The following HOOK3 variants were observed in gnomAD, a reference collection of about 807,000 sequenced individuals.
HOOK3 encodes protein Hook homolog 3.
HOOK3 carries 24 observed loss-of-function variants against 116.3 expected under a neutral mutation model. The ratio of observed to expected loss-of-function variants is 0.21; its 90% CI spans 0.15 to 0.29. HOOK3 has a LOEUF of 0.29. Ranked by LOEUF, HOOK3 falls within the 10% of genes least tolerant of loss-of-function variation. The probability of loss-of-function intolerance (pLI) is 1.00; values close to 1 mark genes in which losing one functional copy is unlikely to be tolerated. For missense variants in HOOK3, 632 were observed against 830.2 expected, an observed-to-expected ratio of 0.76 and a Z score of 2.93; for synonymous variants, 275 against 283.0, an observed-to-expected ratio of 0.97 and a Z score of 0.28.
At chr8:42,982,244 G>C (rs186071845) in intron 13 of HOOK3, among the ~76,000 whole-genome samples, 256 of 132,164 alleles carry the variant, frequency 1.9e-3, no homozygotes, top group African/African-American at 6.8e-3. Flanking sequence ...AACAGAGTGA[G>C]ACTCTGTCTT....
At chr8:42,905,546 C>G (rs898479568) in intron 1 of HOOK3, among the ~76,000 whole-genome samples, 4 of 151,896 alleles carry the variant, frequency 2.6e-5, no homozygotes, top group Admixed American at 6.6e-5. Context: ...CCCTGTGTGT[C>G]CCTGAGTCAG....
At chr8:42,986,845 C>G in intron 15 of HOOK3, 50 bp downstream of exon 15, 3 of 1,581,082 alleles carry the variant, frequency 1.9e-6, no homozygotes, top group Non-Finnish European at 2.6e-6. Context: ...CCCTATTTGC[C>G]TTGATTCTGA....
In HOOK3 at chr8:42,944,714, G is replaced by A. The variant is rs1006735993; in HGVS notation, c.400+1269G>A. Among the ~76,000 whole-genome samples, 16 of 152,000 alleles carry A rather than the reference G, an allele frequency of 1.1e-4. No homozygotes were observed. The East Asian group carries it at 1.9e-3, about 18-fold the overall frequency. On this transcript the variant is annotated intron_variant, in intron 5 of 21. Coordinates refer to ENST00000307602, the MANE Select transcript of HOOK3 (RefSeq NM_032410.4). Reference sequence around the variant, plus strand: ...GGCGCCTGTAATCCCAGCTGCTTGCGAGGCTGAGGCAGGAGAATCACTTGA... The same window carrying A: ...GGCGCCTGTAATCCCAGCTGCTTGCAAGGCTGAGGCAGGAGAATCACTTGA...
In HOOK3 at chr8:43,025,302, T is replaced by A. The variant is rs1809913673; in HGVS notation, c.*6804T>A. On this transcript the variant is annotated 3_prime_UTR_variant, in exon 22 of 22. Coordinates refer to ENST00000307602, the MANE Select transcript of HOOK3 (RefSeq NM_032410.4). Reference sequence around the variant, plus strand: ...AGACTCGGTTTGCATGCTGTGTGTGTTTGCATGAGTATAGAAACCTAAGAA... The same window carrying A: ...AGACTCGGTTTGCATGCTGTGTGTGATTGCATGAGTATAGAAACCTAAGAA... The A allele has an allele frequency of 4.8e-6, 1 of 210,348 alleles. No homozygotes were observed. The highest frequency in any genetic ancestry group is 9.7e-6 in the Non-Finnish European group (1 of 103,612). The allele number at this position is 210,348 out of a possible 1,614,324, so 13.0% of individuals were successfully genotyped here.
Position 43,025,731 on chromosome 8 carries a change from G to A in HOOK3, c.*7233G>A, listed in dbSNP as rs1285107110. The A allele has an allele frequency of 9.3e-6, 2 of 215,810 alleles. No individual in the cohort carries two copies. The highest frequency in any genetic ancestry group is 4.5e-5 in the African/African-American group (2 of 44,298). The allele number at this position is 215,810 out of a possible 1,614,324, so 13.4% of individuals were successfully genotyped here. The stretch of plus-strand genomic sequence containing the variant: ...GATGAGATGAGAAGAAATCTGCGGT[G>A]GCTGAAAATCGTGACCAACTTGGTG... On this transcript the variant is annotated 3_prime_UTR_variant, in exon 22 of 22. Coordinates refer to ENST00000307602, the MANE Select transcript of HOOK3 (RefSeq NM_032410.4).
intron 5 of HOOK3, among the ~76,000 whole-genome samples, chr8:42,948,532 C>G (rs1325662220): frequency 6.6e-6 from 1 of 152,304 alleles, no homozygotes; most frequent in Admixed American, 6.5e-5. Flanking sequence ...TAACCCCTCA[C>G]CCCTCGAGTC....
At chr8:42,948,566 A>G (rs774901836) in intron 5 of HOOK3, among the ~76,000 whole-genome samples, 1 of 152,112 alleles carries the variant, frequency 6.6e-6, no homozygotes, top group Non-Finnish European at 1.5e-5. Context: ...TTCACTTTCA[A>G]TAGGCTGTCA....
intron 2 of HOOK3, among the ~76,000 whole-genome samples, chr8:42,917,953 A>C (rs1807564214): frequency 6.6e-6 from 1 of 152,240 alleles, no homozygotes; most frequent in Non-Finnish European, 1.5e-5. Flanking sequence ...TCATTAAATG[A>C]TTATTAGGAA....
At chr8:42,918,265 G>GA (rs1181588805) in intron 2 of HOOK3, among the ~76,000 whole-genome samples, 1 of 152,100 alleles carries the variant, frequency 6.6e-6, no homozygotes, top group Non-Finnish European at 1.5e-5. Context: ...TTGAACCCAG[G>GA]AGGCGGAGGT....
At chr8:42,939,174 C>T (rs965247954) in intron 4 of HOOK3, among the ~76,000 whole-genome samples, 15 of 152,236 alleles carry the variant, frequency 9.9e-5, no homozygotes, top group African/African-American at 2.9e-4. Flanking sequence ...ACCTTTCCCC[C>T]CTTTCTATTC....
intron 16 of HOOK3, 22 bp downstream of exon 16, chr8:42,997,659 C>T (rs372564218): frequency 5.7e-6 from 7 of 1,231,046 alleles, no homozygotes; most frequent in South Asian, 3.6e-5. Context: ...TATGTACCAA[C>T]GATGGTCCAT....
At chr8:43,007,204 G>A (rs1184161336) in intron 17 of HOOK3, among the ~76,000 whole-genome samples, 1 of 151,992 alleles carries the variant, frequency 6.6e-6, no homozygotes, top group Admixed American at 6.6e-5. Context: ...TTTTAGCAGA[G>A]ACTGGGTTTT....
intron 15 of HOOK3, among the ~76,000 whole-genome samples, chr8:42,994,874 A>G (rs62515952): frequency 0.048 from 7,276 of 152,344 alleles, 230 homozygotes; most frequent in South Asian, 0.086. Flanking sequence ...TGATGTTTAC[A>G]ATGGCTTCCG....
At chr8:42,995,692 C>G (rs1183059805) in intron 15 of HOOK3, among the ~76,000 whole-genome samples, 2 of 152,288 alleles carry the variant, frequency 1.3e-5, no homozygotes, top group East Asian at 3.9e-4. Context: ...TGACAAATTT[C>G]TAGGCATTTC....
intron 14 of HOOK3, among the ~76,000 whole-genome samples, chr8:42,985,745 A>G (rs543684490): frequency 6.6e-6 from 1 of 152,266 alleles, no homozygotes; most frequent in East Asian, 1.9e-4. Context: ...CGTCTCAAAA[A>G]AAAAAAAAAG....
chr8:42,952,324 A>G (rs867339474), intron 6 of HOOK3, among the ~76,000 whole-genome samples: 11 of 152,364 alleles, frequency 7.2e-5, no homozygotes, highest in Middle Eastern at 3.4e-3. Context: ...CAAAAAATGC[A>G]TAGGGTGAGG....
intron 1 of HOOK3, among the ~76,000 whole-genome samples, chr8:42,901,699 A>G (rs1210337043): frequency 6.6e-6 from 1 of 152,188 alleles, no homozygotes; most frequent in East Asian, 1.9e-4. Context: ...CCTAAATCCC[A>G]AGAGAAAAAA....
At chr8:42,960,168 T>G (rs1422406943) in intron 8 of HOOK3, among the ~76,000 whole-genome samples, 1 of 152,238 alleles carries the variant, frequency 6.6e-6, no homozygotes, top group Non-Finnish European at 1.5e-5. Context: ...AATATAAAAT[T>G]AAATTTGTAT....
rs748733043 is a variant in HOOK3 at position 42,939,904 on chromosome 8, T to C, written c.268-3409T>C. Among the ~76,000 whole-genome samples, 520 of 147,352 alleles carry C rather than the reference T, an allele frequency of 3.5e-3. 5 individuals carry two copies. The highest frequency in any genetic ancestry group is 7.2e-3 in the Admixed American group (107 of 14,842). On this transcript the variant is annotated intron_variant, in intron 4 of 21. Transcript: ENST00000307602. ...ACGATGGGCGGCCGGGCAGAGACAC[T>C]CCTCACTTCCTAGATGGGATGGCGG... is the stretch of plus-strand genomic sequence containing the variant.
Sources: allele counts gnomAD v4.1 joint callset (sites outside exome capture counted in the v4.1 genomes callset), GRCh38; gene constraint gnomAD v4.1.1; transcripts MANE v1.5; gene names NCBI Gene and HGNC (gene_info 2026-07-23, HGNC 2026-07-21).